Variants in SIMC1 observed in about 807,000 individuals in gnomAD.
SIMC1 encodes the protein SUMO-interacting motif-containing protein 1.
Under a neutral mutation model 82.3 loss-of-function variants are expected in SIMC1, and 55 were observed. That is an observed-to-expected ratio of 0.67 (90% confidence interval 0.54 to 0.84). The LOEUF is 0.84. Among genes scored for constraint, SIMC1 ranks in the 40% least tolerant of loss-of-function variants. SIMC1 has a pLI of 0.00. For synonymous variants in SIMC1, 353 were observed against 426.3 expected, an observed-to-expected ratio of 0.83 and a Z score of 2.12; for missense variants, 915 against 1,107.2, an observed-to-expected ratio of 0.83 and a Z score of 2.46.
At chr5:176,333,314 A>C (rs1251585001) in intron 7 of SIMC1, among the ~76,000 whole-genome samples, 1 of 152,144 alleles carries the variant, frequency 6.6e-6, no homozygotes, top group Non-Finnish European at 1.5e-5. Context: ...AAACATAAAA[A>C]GAAAAAGAAA....
intron 7 of SIMC1, among the ~76,000 whole-genome samples, chr5:176,329,496 TAAA>T (rs60571584): frequency 7.9e-5 from 10 of 126,582 alleles, no homozygotes; most frequent in Admixed American, 8.2e-5. Context: ...ACTCCCTCTT[TAAA>T]AAAAAAAAAA....
At chr5:176,246,033 C>T (rs1412565563) in intron 1 of SIMC1, among the ~76,000 whole-genome samples, 11 of 143,856 alleles carry the variant, frequency 7.6e-5, no homozygotes, top group African/African-American at 1.0e-4. Flanking sequence ...TTTTTTGAGA[C>T]GAGTCTCGCT....
At chr5:176,297,322 G>A (rs934704360) in intron 4 of SIMC1, among the ~76,000 whole-genome samples, 1 of 152,026 alleles carries the variant, frequency 6.6e-6, no homozygotes, top group Admixed American at 6.6e-5. Context: ...CCAACATGGA[G>A]AAACCCTGTC....
chr5:176,261,313 C>G (rs1043633275), intron 1 of SIMC1, among the ~76,000 whole-genome samples: 6 of 152,214 alleles, frequency 3.9e-5, no homozygotes, highest in Middle Eastern at 6.8e-3. Flanking sequence ...GGCTGCTTTT[C>G]CTATTTCAAA....
intron 2 of SIMC1, among the ~76,000 whole-genome samples, chr5:176,294,170 A>G (rs1482731268): frequency 1.3e-5 from 2 of 152,176 alleles, no homozygotes; most frequent in East Asian, 1.9e-4. Context: ...TTTTCTGTCT[A>G]TGCTATATTT....
At chr5:176,313,372 C>A in intron 4 of SIMC1, 1 of 1,525,276 alleles carries the variant, frequency 6.6e-7, no homozygotes, top group South Asian at 1.2e-5. Context: ...CCTAGAGATT[C>A]CAGTAGATAT....
intron 3 of SIMC1, among the ~76,000 whole-genome samples, 191 bp downstream of exon 3, chr5:176,295,453 T>C (rs1430462603): frequency 6.6e-6 from 1 of 152,236 alleles, no homozygotes; most frequent in Non-Finnish European, 1.5e-5. Context: ...GAGAATTTAA[T>C]GGCTCGTGTT....
chr5:176,307,874 C>A (rs565787513), intron 4 of SIMC1, among the ~76,000 whole-genome samples: 21 of 152,312 alleles, frequency 1.4e-4, no homozygotes, highest in African/African-American at 5.1e-4. Context: ...TTTGCCCTAT[C>A]TATTCCAATT....
chr5:176,340,615 A>G (rs940940534), intron 9 of SIMC1, among the ~76,000 whole-genome samples: 1 of 152,202 alleles, frequency 6.6e-6, no homozygotes, highest in African/African-American at 2.4e-5. Context: ...GGCAACAGAT[A>G]TCTACTGAAT....
rs556579747 is a variant in SIMC1, at chr5:176,296,429, C to T, written c.1734+109C>T. On this transcript the variant is annotated intron_variant, in intron 4 of 9. Coordinates refer to ENST00000429602, the MANE Select transcript of SIMC1 (RefSeq NM_001308195.2). ...CTGTAATCCCAGCATTTTGGGAGGC[C>T]GAGGCAGGAGGACAGTTTGAGCCCA... The T allele has an allele frequency of 2.6e-4, 407 of 1,566,060 alleles. 1 individual carries two copies. The highest frequency in any genetic ancestry group is 1.0e-3 in the Middle Eastern group (6 of 5,872).
chr5:176,309,252 C>A (rs1162760787), intron 4 of SIMC1, among the ~76,000 whole-genome samples: 2 of 152,146 alleles, frequency 1.3e-5, no homozygotes, highest in Non-Finnish European at 2.9e-5. Flanking sequence ...TGAAAAAGTG[C>A]AAAAGCAATT....
At chr5:176,337,192 G>T (rs779913351) in intron 9 of SIMC1, 46 bp downstream of exon 9, 2 of 1,479,350 alleles carry the variant, frequency 1.4e-6, no homozygotes, top group East Asian at 2.3e-5. Context: ...GGTCTCAATG[G>T]ACATTTGTAT....
chr5:176,263,488 G>T (rs1762084660), intron 1 of SIMC1: 1 of 1,543,192 alleles, frequency 6.5e-7, no homozygotes, highest in Non-Finnish European at 8.7e-7. Context: ...CATGGCAGAG[G>T]TGAATGGGGA....
At chr5:176,329,496 T>TAAAAAA (rs60571584) in intron 7 of SIMC1, among the ~76,000 whole-genome samples, 1 of 126,594 alleles carries the variant, frequency 7.9e-6, no homozygotes, top group African/African-American at 3.0e-5. Flanking sequence ...ACTCCCTCTT[T>TAAAAAA]AAAAAAAAAA....
rs977096359 is a variant in SIMC1, at chr5:176,313,754, T to C, written c.1798T>C (p.Phe600Leu). 1 of 1,613,990 alleles carries C rather than the reference T, an allele frequency of 6.2e-7. No homozygotes were observed. The highest frequency in any genetic ancestry group is 8.5e-7 in the Non-Finnish European group (1 of 1,179,876). Reference sequence around the variant, plus strand: ...TGTCGTTCAGACCCTAGAAGATGACTTTCAGCAGACCCTGAGGAGGCAACG... The same window carrying C: ...TGTCGTTCAGACCCTAGAAGATGACCTTCAGCAGACCCTGAGGAGGCAACG... ...RYVVQTLEDDFQQTLRRQRQH... is the reference protein window; with the variant it reads ...RYVVQTLEDDLQQTLRRQRQH... The change falls in exon 5 of 10, where the codon TTT becomes CTT. Residue 600 changes from phenylalanine to leucine, a missense_variant. By Grantham distance (22) the Phe-to-Leu change is conservative. Around this residue, in one of 2 missense-constraint regions of SIMC1, gnomAD observed 902 missense variants for 1,040.3 expected, o/e 0.87. Coordinates refer to ENST00000429602, the MANE Select transcript of SIMC1 (RefSeq NM_001308195.2).
At chr5:176,251,908 A>G (rs2113121566) in intron 1 of SIMC1, among the ~76,000 whole-genome samples, 1 of 150,372 alleles carries the variant, frequency 6.7e-6, no homozygotes, top group South Asian at 2.1e-4. Flanking sequence ...GTAAGGTCAC[A>G]GATCAACAGG....
chr5:176,311,430 A>G (rs1292646235), intron 4 of SIMC1, among the ~76,000 whole-genome samples: 1 of 151,648 alleles, frequency 6.6e-6, no homozygotes, highest in Non-Finnish European at 1.5e-5. Flanking sequence ...TTTTGTAGAG[A>G]TGGGGGTCTC....
intron 5 of SIMC1, among the ~76,000 whole-genome samples, chr5:176,319,640 A>G (rs996576146): frequency 2.0e-5 from 3 of 152,210 alleles, no homozygotes; most frequent in African/African-American, 7.2e-5. Context: ...AACCTGGGCA[A>G]CATAGCAAGA....
chr5:176,262,636 C>T (rs376378264), intron 1 of SIMC1, among the ~76,000 whole-genome samples: 3 of 152,098 alleles, frequency 2.0e-5, no homozygotes, highest in Non-Finnish European at 4.4e-5. Flanking sequence ...GAAATCTCGT[C>T]GCTACTAAAA....
Sources: gnomAD v4.1 joint callset for allele counts (sites outside exome capture counted in the v4.1 genomes callset) on GRCh38, gnomAD v4.1.1 for gene constraint, gnomAD v4.1.1 regional missense constraint, MANE v1.5 for transcripts, NCBI Gene and HGNC (gene_info 2026-07-23, HGNC 2026-07-21) for gene names.